The following DNAH17 variants were observed in gnomAD, a reference collection of about 807,000 sequenced individuals.
DNAH17 encodes axonemal beta dynein heavy chain 17.
In DNAH17, 376 loss-of-function variants were observed where a neutral mutation model predicts 485.6. The ratio of observed to expected loss-of-function variants is 0.77; its 90% CI spans 0.71 to 0.84. The LOEUF is 0.84. Among genes scored for constraint, DNAH17 ranks in the 40% least tolerant of loss-of-function variants. The pLI, the probability that DNAH17 is intolerant of heterozygous loss-of-function variation, is 0.00. For synonymous variants in DNAH17, 3,031 were observed against 2,405.9 expected, an observed-to-expected ratio of 1.26 and a Z score of -7.60; for missense variants, 6,370 against 5,839.3, an observed-to-expected ratio of 1.09 and a Z score of -2.96.
intron 19 of DNAH17, 150 bp downstream of exon 19, chr17:78,537,149 G>C (rs2091397699): frequency 1.1e-6 from 1 of 945,276 alleles, no homozygotes; most frequent in African/African-American, 1.7e-5. Context: ...CTGCACTCCA[G>C]CCTGGGCGAC....
chr17:78,468,016 CAAAA>C lies in DNAH17; in HGVS notation c.8778+597_8778+600del, dbSNP rs1250610248. 4.5e-5 allele frequency among the ~76,000 whole-genome samples: 4 copies of C among 88,576 alleles called. No homozygotes were observed. The East Asian group carries it at 1.3e-3, about 28-fold the overall frequency. The allele number at this position is 88,576 out of a possible 152,430, so 58.1% of individuals were successfully genotyped here. ...CTGGGCGACAAGTGAAACTCCATCT[CAAAA>C]AAAAAAAAAAAAAGAGAGAGAGAGA... is the stretch of plus-strand genomic sequence containing the variant. On this transcript the variant is annotated intron_variant, in intron 55 of 80. Coordinates refer to ENST00000389840, the MANE Select transcript of DNAH17 (RefSeq NM_173628.4).
chr17:78,514,720 C>G, intron 26 of DNAH17, 54 bp downstream of exon 26: 2 of 1,582,620 alleles, frequency 1.3e-6, no homozygotes, highest in Non-Finnish European at 1.7e-6. Context: ...GCCCATCCTG[C>G]AGCAGAGCTG....
intron 2 of DNAH17, among the ~76,000 whole-genome samples, chr17:78,574,143 T>G (rs558258572): frequency 1.6e-3 from 250 of 152,250 alleles, no homozygotes; most frequent in African/African-American, 5.6e-3. Context: ...AAGGGGATGC[T>G]CGGGGCTTCT....
At chr17:78,551,968 A>AGG (rs2091911940) in intron 15 of DNAH17, among the ~76,000 whole-genome samples, 2 of 151,342 alleles carry the variant, frequency 1.3e-5, no homozygotes, top group East Asian at 1.9e-4. Context: ...ATCTCAGGAA[A>AGG]AAAAAAAAAA....
chr17:78,526,013 G>A (rs558242913), intron 24 of DNAH17, among the ~76,000 whole-genome samples: 3 of 152,354 alleles, frequency 2.0e-5, no homozygotes, highest in South Asian at 2.1e-4. Context: ...GCACCGTACT[G>A]GGAGCAAAGA....
chr17:78,573,976 G>A lies in DNAH17; in HGVS notation c.345+737C>T, dbSNP rs373280424. 1.6e-3 allele frequency among the ~76,000 whole-genome samples: 242 copies of A among 152,254 alleles called. 1 individual carries two copies. The highest frequency in any genetic ancestry group is 5.6e-3 in the African/African-American group (234 of 41,552). On this transcript the variant is annotated intron_variant, in intron 2 of 80. Coordinates refer to ENST00000389840, the MANE Select transcript of DNAH17 (RefSeq NM_173628.4). ...CACCTGCCAAGGGGGACAGCAGAGG[G>A]ACACATAAAATGACACTCCATTTTT...
At chr17:78,549,696 G>A (rs1338197069) in intron 16 of DNAH17, among the ~76,000 whole-genome samples, 2 of 152,168 alleles carry the variant, frequency 1.3e-5, no homozygotes, top group Non-Finnish European at 2.9e-5. Flanking sequence ...GTGCTGCCCT[G>A]GTCCTCTGTA....
chr17:78,480,579 C>A, intron 49 of DNAH17, 105 bp downstream of exon 49: 1 of 873,012 alleles, frequency 1.1e-6, no homozygotes, highest in Non-Finnish European at 1.7e-6. Flanking sequence ...CAGAAAATGT[C>A]GGCCTGCAGC....
chr17:78,472,600 C>T (rs1435544776), intron 54 of DNAH17: 1 of 369,188 alleles, frequency 2.7e-6, no homozygotes, highest in Non-Finnish European at 5.6e-6. Context: ...GAAATAAAAA[C>T]TCCCCACCGC....
intron 44 of DNAH17, among the ~76,000 whole-genome samples, chr17:78,490,268 C>T (rs1265991453): frequency 2.0e-5 from 3 of 152,194 alleles, no homozygotes; most frequent in South Asian, 2.1e-4. Context: ...CAGGAGAACC[C>T]GACCACTGCC....
At chr17:78,560,061 C>T (rs536249244) in intron 13 of DNAH17, among the ~76,000 whole-genome samples, 2 of 152,246 alleles carry the variant, frequency 1.3e-5, no homozygotes, top group South Asian at 2.1e-4. Flanking sequence ...CACCTTCTAC[C>T]ATATCATACA....
intron 16 of DNAH17, among the ~76,000 whole-genome samples, chr17:78,547,763 G>A (rs1281421282): frequency 6.6e-6 from 1 of 152,024 alleles, no homozygotes; most frequent in East Asian, 1.9e-4. Flanking sequence ...GATCATAGGT[G>A]TGTGCCACCA....
At chr17:78,460,956 CA>C (rs1293787024) in intron 58 of DNAH17, among the ~76,000 whole-genome samples, 1 of 151,956 alleles carries the variant, frequency 6.6e-6, no homozygotes, top group African/African-American at 2.4e-5. Flanking sequence ...GGACTGATGA[CA>C]AAAAAAGCAC....
Position 78,529,640 on chromosome 17 carries a change from G to A in DNAH17, c.3339C>T (p.Pro1113=), listed in dbSNP as rs1266538920. The change falls in exon 22 of 81, where the codon CCC becomes CCT. Residue 1113 remains proline, a synonymous_variant. Transcript: ENST00000389840. ...MKVARMGLTK[P]LKEGDYDGLV... ...GCCCATCATAGTCCCCCTCCTTGAG[G>A]GGCTTGGTCAAGCCCATTCTGGCGA... 6.2e-7 allele frequency: 1 copy of A among 1,613,934 alleles called. No homozygotes were observed. Among genetic ancestry groups the A allele is most frequent in the South Asian group, 1.1e-5 (1 of 91,080 alleles).
At position 78,526,867 on chromosome 17, in the gene DNAH17, C is replaced by T. The variant is rs764945697; in HGVS notation, c.3624+13G>A. 2.5e-5 allele frequency: 39 copies of T among 1,564,332 alleles called. 1 individual carries two copies. The highest frequency in any genetic ancestry group is 1.5e-5 in the Non-Finnish European group (17 of 1,153,398). ...TCCCCGGAAATCCCGCCACCCTGCC[C>T]CAGGTATAATACCTCGAATTGCTGG... On this transcript the variant is annotated intron_variant, in intron 23 of 80. Coordinates refer to ENST00000389840, the MANE Select transcript of DNAH17 (RefSeq NM_173628.4).
chr17:78,428,220 C>T, intron 77 of DNAH17: 1 of 441,050 alleles, frequency 2.3e-6, no homozygotes, highest in Non-Finnish European at 4.2e-6. Flanking sequence ...TCCTGGCGCT[C>T]AGCTAGGGAA....
rs191207857 is a variant in DNAH17 at position 78,552,906 on chromosome 17, G to C, written c.2179-101C>G. 876 of 803,458 alleles carry C rather than the reference G, an allele frequency of 1.1e-3. 10 individuals are homozygous for C. The African/African-American group carries it at 0.013, about 12-fold the overall frequency. 49.8% of individuals were successfully genotyped at this position (803,458 alleles called of 1,614,324 possible). A position where few individuals can be genotyped will look rare whatever the true frequency, so the allele number is the denominator to read the frequency against. ...TCCTCAACACCAACTAATACGGTTT[G>C]GATCTGTGTCCCCACTCAGGTCTCA... On this transcript the variant is annotated intron_variant, in intron 14 of 80. Coordinates refer to ENST00000389840, the MANE Select transcript of DNAH17 (RefSeq NM_173628.4).
At chr17:78,470,167 G>A (rs947730215) in intron 54 of DNAH17, among the ~76,000 whole-genome samples, 3 of 133,708 alleles carry the variant, frequency 2.2e-5, no homozygotes, top group African/African-American at 8.6e-5. Flanking sequence ...TCCGCCTCCC[G>A]GGTTCAAGGA....
At chr17:78,501,565 T>C in intron 34 of DNAH17, 177 bp downstream of exon 34, 1 of 1,007,038 alleles carries the variant, frequency 9.9e-7, no homozygotes, top group Non-Finnish European at 1.4e-6. Context: ...ATCTGACTGC[T>C]GTGTGTTGCT....
Sources: gnomAD v4.1 joint callset for allele counts (sites outside exome capture counted in the v4.1 genomes callset) on GRCh38, gnomAD v4.1.1 for gene constraint, MANE v1.5 for transcripts, NCBI Gene and HGNC (gene_info 2026-07-23, HGNC 2026-07-21) for gene names.